The following COL6A5 variants were observed in gnomAD, a reference collection of about 807,000 sequenced individuals.
COL6A5 encodes the protein collagen type VI alpha 5 chain, also known as collagen alpha-5(VI) chain.
Under a neutral mutation model 65.6 loss-of-function variants are expected in COL6A5, and 48 were observed. That is an observed-to-expected ratio of 0.73 (90% CI 0.58 to 0.93). The LOEUF (loss-of-function observed/expected upper bound fraction) is 0.93. COL6A5 is among the 40% of genes least tolerant of loss of function. COL6A5 has a pLI of 0.00. For synonymous variants in COL6A5, 291 were observed against 322.8 expected (o/e 0.90, Z 1.05); for missense variants, 914 against 928.3 (o/e 0.98, Z 0.20).
At chr3:130,385,774 A>G (rs1347669517) in intron 5 of COL6A5, among the ~76,000 whole-genome samples, 2 of 152,048 alleles carry the variant, frequency 1.3e-5, no homozygotes, top group Non-Finnish European at 1.5e-5. Flanking sequence ...CTTTGGCTCT[A>G]GATAGCTTAG....
At chr3:130,414,113 A>G (rs971220567) in exon 22 of COL6A5, 40 of 1,550,594 alleles carry the variant, frequency 2.6e-5, no homozygotes, top group Non-Finnish European at 3.4e-5. Flanking sequence ...TGGGAGCTGA[A>G]GGATTACAAG....
exon 7 of COL6A5, chr3:130,391,198 A>G: frequency 6.4e-7 from 1 of 1,551,096 alleles, no homozygotes; most frequent in South Asian, 1.2e-5. Flanking sequence ...GGATTACACT[A>G]CTAGACGTTG....
chr3:130,374,356 T>C (rs950286715), intron 2 of COL6A5, among the ~76,000 whole-genome samples: 3 of 152,174 alleles, frequency 2.0e-5, no homozygotes, highest in African/African-American at 7.2e-5. Context: ...TAAGGAGTTA[T>C]ATATCTAAAC....
intron 4 of COL6A5, among the ~76,000 whole-genome samples, chr3:130,380,399 G>A (rs548478017): frequency 6.6e-6 from 1 of 152,012 alleles, no homozygotes; most frequent in South Asian, 2.1e-4. Context: ...TTTTTCTGTT[G>A]TCTTTAGTCT....
intron 4 of COL6A5, among the ~76,000 whole-genome samples, chr3:130,453,956 A>C (rs1053773258): frequency 6.6e-6 from 1 of 152,178 alleles, no homozygotes; most frequent in Non-Finnish European, 1.5e-5. Flanking sequence ...ACGATGTGGC[A>C]CTGATCTTAT....
chr3:130,481,354 T>C (rs924666501), intron 7 of COL6A5, among the ~76,000 whole-genome samples: 3 of 152,170 alleles, frequency 2.0e-5, no homozygotes, highest in Non-Finnish European at 4.4e-5. Flanking sequence ...GCTTCATCCA[T>C]GTCCCTGCAA....
chr3:130,451,757 A>G (rs927669809), intron 4 of COL6A5, among the ~76,000 whole-genome samples: 2 of 152,072 alleles, frequency 1.3e-5, no homozygotes, highest in Admixed American at 6.6e-5. Flanking sequence ...GTAGGGGAGG[A>G]GTAGCCAGAG....
Position 130,398,138 on chromosome 3 carries a change from T to G in COL6A5, c.3991+27T>G, listed in dbSNP as rs758630538. 626 of 1,468,028 alleles carry G rather than the reference T, an allele frequency of 4.3e-4. 3 individuals carry two copies. Among genetic ancestry groups the G allele is most frequent in the Non-Finnish European group, 5.1e-4 (554 of 1,092,394 alleles). The allele number at this position is 1,468,028 out of a possible 1,614,324, so 90.9% of individuals were successfully genotyped here. ...TATTGAGTTGTTGTTGTTTTTTTTT[T>G]TTTTTTTTTTGAGATGGAGTGTCAG... On this transcript the variant is annotated intron_variant and NMD_transcript_variant, in intron 10 of 41. Coordinates refer to the COL6A5 transcript ENST00000312481.
intron 4 of COL6A5, among the ~76,000 whole-genome samples, chr3:130,446,826 C>T (rs1244595965): frequency 6.6e-6 from 1 of 152,048 alleles, no homozygotes; most frequent in Non-Finnish European, 1.5e-5. Context: ...TTTTCCATAA[C>T]ACTGGCTTGT....
chr3:130,475,947 CTG>C (rs1314220975), intron 7 of COL6A5, among the ~76,000 whole-genome samples: 1 of 152,060 alleles, frequency 6.6e-6, no homozygotes, highest in African/African-American at 2.4e-5. Flanking sequence ...GCCAGTGACT[CTG>C]TTTTGGTAAC....
At chr3:130,446,658 C>T (rs569587907) in intron 4 of COL6A5, among the ~76,000 whole-genome samples, 20 of 152,174 alleles carry the variant, frequency 1.3e-4, no homozygotes, top group East Asian at 5.8e-4. Flanking sequence ...CTGACACAGA[C>T]GTCTTTTCTC....
At chr3:130,415,808 ATATT>A (rs1937321659) in intron 23 of COL6A5, 101 bp downstream of exon 23, 1 of 983,188 alleles carries the variant, frequency 1.0e-6, no homozygotes, top group African/African-American at 1.6e-5. Flanking sequence ...ATTTACATAT[ATATT>A]ATTTCATTTT....
At chr3:130,384,071 A>G (rs992618714) in intron 4 of COL6A5, among the ~76,000 whole-genome samples, 1 of 152,090 alleles carries the variant, frequency 6.6e-6, no homozygotes, top group African/African-American at 2.4e-5. Context: ...GATAAGGAGA[A>G]GAGAAGACCT....
At chr3:130,469,191 A>G (rs373345232) in exon 6 of COL6A5, 17 of 1,613,086 alleles carry the variant, frequency 1.1e-5, no homozygotes, top group African/African-American at 9.4e-5. Context: ...ACAATTGACA[A>G]TGTCTTTGTA....
upstream of COL6A5, chr3:130,426,547 A>G: frequency 1.2e-6 from 1 of 842,322 alleles, no homozygotes; most frequent in Non-Finnish European, 2.0e-6. Flanking sequence ...TGCCTACTGT[A>G]GAATATTGCA....
intron 2 of COL6A5, 136 bp downstream of exon 2, chr3:130,373,841 A>G (rs1935656110): frequency 1.6e-6 from 1 of 626,146 alleles, no homozygotes; most frequent in African/African-American, 1.9e-5. Flanking sequence ...ACAACATCAA[A>G]CAAACTTAAC....
intron 17 of COL6A5, among the ~76,000 whole-genome samples, chr3:130,407,916 C>A (rs1937046724): frequency 6.6e-6 from 1 of 152,216 alleles, no homozygotes; most frequent in African/African-American, 2.4e-5. Context: ...ACATTTATCA[C>A]TTCCCCAATG....
intron 10 of COL6A5, among the ~76,000 whole-genome samples, chr3:130,398,601 G>A (rs2107661471): frequency 6.6e-6 from 1 of 152,302 alleles, no homozygotes; most frequent in East Asian, 1.9e-4. Context: ...TGCAAATGCT[G>A]TGGCCAAGTG....
intron 1 of COL6A5, among the ~76,000 whole-genome samples, chr3:130,352,013 T>C (rs1014650716): frequency 2.6e-5 from 4 of 152,118 alleles, no homozygotes; most frequent in Non-Finnish European, 4.4e-5. Context: ...TGCAGGGACA[T>C]GGATCAAGCT....
Sources: allele counts gnomAD v4.1 joint callset (sites outside exome capture counted in the v4.1 genomes callset), GRCh38; gene constraint gnomAD v4.1.1; transcripts MANE v1.5; gene names NCBI Gene and HGNC (gene_info 2026-07-23, HGNC 2026-07-21).